The following SCAF11 variants were observed in gnomAD, a reference collection of about 807,000 sequenced individuals.
The protein encoded by SCAF11 is protein SCAF11.
A neutral mutation model predicts 140.5 loss-of-function variants in SCAF11; 47 were observed. That is an observed-to-expected ratio of 0.33 (90% CI 0.26 to 0.43). SCAF11 has a LOEUF of 0.43. Ranked by LOEUF, SCAF11 falls within the 20% of genes least tolerant of loss-of-function variation. The pLI is 1.00. For synonymous variants in SCAF11, 557 were observed against 579.4 expected, an observed-to-expected ratio of 0.96 and a Z score of 0.55; for missense variants, 1,645 against 1,705.1, an observed-to-expected ratio of 0.96 and a Z score of 0.62.
intron 3 of SCAF11, among the ~76,000 whole-genome samples, chr12:45,956,845 TGG>T (rs1423035445): frequency 8.5e-5 from 13 of 152,322 alleles, no homozygotes; most frequent in African/African-American, 2.6e-4. Flanking sequence ...TTTACCTTAC[TGG>T]TAAACAGAGT....
In SCAF11 at chr12:45,928,378, G is replaced by T. The variant is rs749130513; in HGVS notation, c.1323C>A (p.Asn441Lys). 2.5e-6 allele frequency: 4 copies of T among 1,614,068 alleles called. No homozygotes were observed. The highest frequency in any genetic ancestry group is 3.4e-6 in the Non-Finnish European group (4 of 1,179,976). Residue 441 changes from asparagine (N) to lysine (K), a missense_variant, in exon 11 of 15, where the codon AAC becomes AAA. By Grantham distance (94) the Asn-to-Lys change is moderately conservative (BLOSUM62 0). Transcript: ENST00000369367. Reference protein sequence around the residue: ...NICTVQTHVENQSANCLKSCN... With the variant: ...NICTVQTHVEKQSANCLKSCN... ...AACTTTTCAAGCAATTAGCAGACTG[G>T]TTTTCTACATGAGTCTGCACAGTAC...
chr12:45,952,382 TTTTAC>T (rs1352677175), intron 3 of SCAF11, among the ~76,000 whole-genome samples: 12 of 152,194 alleles, frequency 7.9e-5, no homozygotes, highest in African/African-American at 1.2e-4. Context: ...AATAAGAGTT[TTTTAC>T]TTTACATTTC....
At chr12:45,947,977 A>G (rs993125633) in intron 5 of SCAF11, among the ~76,000 whole-genome samples, 1 of 152,240 alleles carries the variant, frequency 6.6e-6, no homozygotes, top group Non-Finnish European at 1.5e-5. Flanking sequence ...ACACCTGGCC[A>G]GCATTCAGAA....
intron 12 of SCAF11, among the ~76,000 whole-genome samples, chr12:45,924,469 TA>T (rs1178663558): frequency 6.6e-6 from 1 of 152,120 alleles, no homozygotes; most frequent in African/African-American, 2.4e-5. Flanking sequence ...TTAATATGAA[TA>T]AAAAAATCCT....
chr12:45,988,324 T>C (rs1367678698), intron 1 of SCAF11, among the ~76,000 whole-genome samples: 1 of 152,326 alleles, frequency 6.6e-6, no homozygotes, highest in East Asian at 1.9e-4. Context: ...CAACTATCTC[T>C]GATATACTTT....
intron 6 of SCAF11, among the ~76,000 whole-genome samples, chr12:45,936,783 T>C (rs936005394): frequency 1.3e-5 from 2 of 152,248 alleles, no homozygotes; most frequent in African/African-American, 4.8e-5. Context: ...TTCCATTTAC[T>C]ATCTCATTTA....
chr12:45,921,897 A>G lies in SCAF11; in HGVS notation c.*151T>C. On this transcript the variant is annotated 3_prime_UTR_variant, in exon 15 of 15. Transcript: ENST00000369367. The stretch of plus-strand genomic sequence containing the variant: ...GAAGTTGCAGTGCAGACCTATATTT[A>G]TTTAGAACAAAACATCATATCCTAT... 1 of 902,526 alleles carries G rather than the reference A, an allele frequency of 1.1e-6. No individual in the cohort carries two copies. The highest frequency in any genetic ancestry group is 1.7e-6 in the Non-Finnish European group (1 of 599,438). The allele number at this position is 902,526 out of a possible 1,614,324, so 55.9% of individuals were successfully genotyped here. A position where few individuals can be genotyped will look rare whatever the true frequency, so the allele number is the denominator to read the frequency against.
In SCAF11 at chr12:45,990,346, T is replaced by G; in HGVS notation, c.-22+7A>C. 8.1e-7 allele frequency: 1 copy of G among 1,231,866 alleles called. No homozygotes were observed. Among genetic ancestry groups the G allele is most frequent in the Non-Finnish European group, 1.0e-6 (1 of 988,192 alleles). The allele number at this position is 1,231,866 out of a possible 1,614,324, so 76.3% of individuals were successfully genotyped here. A position where few individuals can be genotyped will look rare whatever the true frequency, so the allele number is the denominator to read the frequency against. ...CCCATCCACCCCGCGGGTCGACCAG[T>G]GTTTACCTCAGACCGAGGTCGAGGC... On this transcript the variant is annotated splice_region_variant and intron_variant, in intron 1 of 14. Transcript: ENST00000369367.
At chr12:45,922,306 G>C in intron 14 of SCAF11, 112 bp from the exon 15 acceptor site, 7 of 1,454,608 alleles carry the variant, frequency 4.8e-6, no homozygotes, top group Non-Finnish European at 6.5e-6. Flanking sequence ...TTATTTTCAT[G>C]TTTCATTATC....
chr12:45,971,648 G>A (rs1025644817), intron 1 of SCAF11, among the ~76,000 whole-genome samples: 1 of 152,104 alleles, frequency 6.6e-6, no homozygotes, highest in Admixed American at 6.5e-5. Context: ...AGGGGGAGGG[G>A]AGCTGGGGGT....
intron 1 of SCAF11, among the ~76,000 whole-genome samples, chr12:45,979,319 T>TC (rs1245836525): frequency 6.6e-6 from 1 of 151,254 alleles, no homozygotes; most frequent in Non-Finnish European, 1.5e-5. Context: ...CACAGAAAAA[T>TC]CCTAAGAGTT....
chr12:45,948,509 G>C lies in SCAF11; in HGVS notation c.326C>G (p.Thr109Arg). The change falls in exon 5 of 15, where the codon ACA (threonine) becomes AGA (arginine). Residue 109 changes from threonine to arginine, a missense_variant. Thr to Arg is a moderately conservative substitution (Grantham distance 71). Transcript: ENST00000369367. Reference sequence around the variant, plus strand: ...TGAGTTTTCATTTTTCTTGTCTTTTGTTTCTCTCAGCTGTTTTTTTACTTG... The same window carrying C: ...TGAGTTTTCATTTTTCTTGTCTTTTCTTTCTCTCAGCTGTTTTTTTACTTG... ...KVQVKKQLRE[T>R]KDKKNENSFE... The C allele has an allele frequency of 6.2e-7, 1 of 1,610,240 alleles. No homozygotes were observed. Among genetic ancestry groups the C allele is most frequent in the Non-Finnish European group, 8.5e-7 (1 of 1,178,434 alleles).
At chr12:45,954,885 T>C (rs926955580) in intron 3 of SCAF11, 1 of 151,410 alleles carries the variant, frequency 6.6e-6, no homozygotes, top group Non-Finnish European at 1.5e-5. Flanking sequence ...ACACCTGCTC[T>C]GAGCCATTCC....
chr12:45,953,386 A>G (rs951021776), intron 3 of SCAF11, among the ~76,000 whole-genome samples: 1 of 152,160 alleles, frequency 6.6e-6, no homozygotes, highest in African/African-American at 2.4e-5. Context: ...AATATTTAAA[A>G]GTTGAAATCT....
At position 45,927,977 on chromosome 12, in the gene SCAF11, A is replaced by G. The variant is rs1944932522; in HGVS notation, c.1724T>C (p.Val575Ala). The stretch of plus-strand genomic sequence containing the variant: ...TTTTTCTTCATTAACCACTGACTCT[A>G]CATTCTCAGATAAGTCACTTAGGGG... Reference protein sequence around the residue: ...SCPLSDLSENVESVVNEEKIT... With the variant: ...SCPLSDLSENAESVVNEEKIT... The change falls in exon 11 of 15, where the codon GTA becomes GCA. Residue 575 changes from valine (V) to alanine (A), a missense_variant. This residue lies in a region of SCAF11 where 1,582 missense variants were observed against 1,609.2 expected (regional missense o/e 0.98). Transcript: ENST00000369367. The G allele has an allele frequency of 1.1e-5, 17 of 1,613,248 alleles. No individual in the cohort carries two copies. Among genetic ancestry groups the G allele is most frequent in the Non-Finnish European group, 1.3e-5 (15 of 1,179,978 alleles).
chr12:45,984,757 T>A (rs545590544), intron 1 of SCAF11, among the ~76,000 whole-genome samples: 1 of 149,564 alleles, frequency 6.7e-6, no homozygotes, highest in Non-Finnish European at 1.5e-5. Context: ...TGCAGTGTGG[T>A]GATCTTGGCC....
At position 45,928,514 on chromosome 12, in the gene SCAF11, G is replaced by A; in HGVS notation, c.1187C>T (p.Ala396Val). Residue 396 changes from alanine (A) to valine (V), a missense_variant, in exon 11 of 15, where the codon GCC (alanine) becomes GTC (valine). Physicochemically the swap from Ala to Val is moderately conservative, Grantham distance 64. Transcript: ENST00000369367. ...LKKKLRSSVA[A>V]PEKSSSNDSV... ...ATCATTGGAAGATGATTTTTCAGGG[G>A]CAGCTACAGAGCTCCGAAGTTTCTT... The A allele has an allele frequency of 6.2e-7, 1 of 1,613,704 alleles. No homozygotes were observed. The highest frequency in any genetic ancestry group is 1.1e-5 in the South Asian group (1 of 90,980).
At chr12:45,967,455 C>A (rs766278895) in intron 1 of SCAF11, among the ~76,000 whole-genome samples, 1 of 152,128 alleles carries the variant, frequency 6.6e-6, no homozygotes, top group Non-Finnish European at 1.5e-5. Context: ...ACCAGCCTGG[C>A]CAACATGGCG....
chr12:45,947,422 T>A (rs537858428), intron 5 of SCAF11, among the ~76,000 whole-genome samples: 116 of 152,302 alleles, frequency 7.6e-4, no homozygotes, highest in African/African-American at 2.5e-3. Context: ...TTTAAAAAAA[T>A]GTTTTAACAT....
Sources: gnomAD v4.1 joint callset for allele counts (sites outside exome capture counted in the v4.1 genomes callset) on GRCh38, gnomAD v4.1.1 for gene constraint, gnomAD v4.1.1 regional missense constraint, MANE v1.5 for transcripts, NCBI Gene and HGNC (gene_info 2026-07-23, HGNC 2026-07-21) for gene names.